The following GRXCR1 variants were observed in gnomAD, a reference collection of about 807,000 sequenced individuals.
GRXCR1 encodes glutaredoxin domain-containing cysteine-rich protein 1.
Under a neutral mutation model 27.3 loss-of-function variants are expected in GRXCR1, and 27 were observed. The ratio of observed to expected loss-of-function variants is 0.99; its 90% CI spans 0.73 to 1.37. The LOEUF (loss-of-function observed/expected upper bound fraction) is 1.37, where lower values mean the gene tolerates loss of function less well. Ranked by LOEUF, GRXCR1 falls within the 40% of genes most tolerant of loss-of-function variation. GRXCR1 has a pLI of 0.00. For missense variants in GRXCR1, 379 were observed against 354.4 expected, an observed-to-expected ratio of 1.07 and a Z score of -0.56; for synonymous variants, 122 against 131.1, an observed-to-expected ratio of 0.93 and a Z score of 0.47.
At chr4:42,915,108 A>G (rs779912470) in intron 1 of GRXCR1, among the ~76,000 whole-genome samples, 1 of 152,178 alleles carries the variant, frequency 6.6e-6, no homozygotes, top group African/African-American at 2.4e-5. Context: ...TGCTACGTTC[A>G]GAGAAACAAA....
intron 2 of GRXCR1, among the ~76,000 whole-genome samples, chr4:42,984,056 G>T (rs561127972): frequency 6.6e-6 from 1 of 151,908 alleles, no homozygotes; most frequent in Non-Finnish European, 1.5e-5. Context: ...GGCTGGTCTC[G>T]AACTCCTGAC....
intron 2 of GRXCR1, among the ~76,000 whole-genome samples, chr4:43,006,248 A>G (rs1278304894): frequency 6.6e-6 from 1 of 152,210 alleles, no homozygotes; most frequent in East Asian, 1.9e-4. Context: ...TGTTTGAGCA[A>G]TATGAAATGT....
At chr4:42,938,868 G>GTT (rs543683761) in intron 1 of GRXCR1, among the ~76,000 whole-genome samples, 99 of 145,348 alleles carry the variant, frequency 6.8e-4, no homozygotes, top group East Asian at 1.2e-3. Flanking sequence ...CTACGTGTCT[G>GTT]TTTTTTTTTT....
At chr4:42,992,761 G>A (rs1560679232) in intron 2 of GRXCR1, among the ~76,000 whole-genome samples, 1 of 152,048 alleles carries the variant, frequency 6.6e-6, no homozygotes, top group Non-Finnish European at 1.5e-5. Flanking sequence ...AGGTGATTGT[G>A]AGTGATGATA....
chr4:43,022,258 G>A (rs1036096500), intron 3 of GRXCR1, among the ~76,000 whole-genome samples: 4 of 152,098 alleles, frequency 2.6e-5, no homozygotes, highest in African/African-American at 4.8e-5. Context: ...TGGTTTAAGA[G>A]CATCTTTTAG....
intron 3 of GRXCR1, among the ~76,000 whole-genome samples, chr4:43,029,278 A>G (rs1031396108): frequency 6.6e-6 from 1 of 152,146 alleles, no homozygotes; most frequent in South Asian, 2.1e-4. Context: ...AAATCTTTGG[A>G]GAAAAGCTAT....
At chr4:42,904,689 T>A (rs1361253866) in intron 1 of GRXCR1, among the ~76,000 whole-genome samples, 2 of 152,212 alleles carry the variant, frequency 1.3e-5, no homozygotes, top group African/African-American at 4.8e-5. Context: ...TTATAAGTAC[T>A]CAATAAATAC....
At chr4:43,004,288 C>G (rs1326953921) in intron 2 of GRXCR1, among the ~76,000 whole-genome samples, 1 of 152,218 alleles carries the variant, frequency 6.6e-6, no homozygotes, top group Non-Finnish European at 1.5e-5. Context: ...AGTATGGAAA[C>G]ACCTGGATGT....
rs116393659 is a variant in GRXCR1, at chr4:42,899,063, C to T, written c.384+5413C>T. 3.9e-3 allele frequency among the ~76,000 whole-genome samples: 595 copies of T among 152,168 alleles called. 4 individuals carry two copies. Among genetic ancestry groups the T allele is most frequent in the Non-Finnish European group, 6.0e-3 (406 of 67,960 alleles). On this transcript the variant is annotated intron_variant, in intron 1 of 3. Transcript: ENST00000399770. The stretch of plus-strand genomic sequence containing the variant: ...CTGTGACCACCTTGCACATACCATC[C>T]TTGGCTCTTGCTTATGGTATTAGCG...
At chr4:43,009,605 T>C (rs1712673512) in intron 2 of GRXCR1, among the ~76,000 whole-genome samples, 1 of 152,134 alleles carries the variant, frequency 6.6e-6, no homozygotes, top group Non-Finnish European at 1.5e-5. Context: ...AGACTTGGTG[T>C]CTAGTGAGAG....
intron 3 of GRXCR1, 35 bp downstream of exon 3, chr4:43,020,454 CA>C: frequency 7.7e-7 from 1 of 1,298,678 alleles, no homozygotes; most frequent in South Asian, 1.2e-5. Context: ...TTTTAGTAAT[CA>C]AAATATTAAA....
At chr4:43,010,969 T>C (rs1009323933) in intron 2 of GRXCR1, among the ~76,000 whole-genome samples, 4 of 152,166 alleles carry the variant, frequency 2.6e-5, no homozygotes, top group African/African-American at 9.7e-5. Context: ...TAAATATCTT[T>C]CACAAGCTCA....
chr4:42,925,389 T>C (rs1169975126), intron 1 of GRXCR1, among the ~76,000 whole-genome samples: 1 of 151,994 alleles, frequency 6.6e-6, no homozygotes, highest in East Asian at 1.9e-4. Flanking sequence ...AATAATTCAA[T>C]TCCACAAGCA....
chr4:42,960,113 T>C (rs374338974), intron 1 of GRXCR1, among the ~76,000 whole-genome samples: 2 of 152,002 alleles, frequency 1.3e-5, no homozygotes, highest in East Asian at 1.9e-4. Context: ...GTTTGTTCTA[T>C]AAGATTCAGA....
At chr4:42,948,131 T>C (rs1015016330) in intron 1 of GRXCR1, among the ~76,000 whole-genome samples, 1 of 152,172 alleles carries the variant, frequency 6.6e-6, no homozygotes, top group Non-Finnish European at 1.5e-5. Flanking sequence ...TCTGGCTTTA[T>C]GCAAAAATTT....
At chr4:42,938,304 G>T (rs1747507257) in intron 1 of GRXCR1, among the ~76,000 whole-genome samples, 1 of 152,058 alleles carries the variant, frequency 6.6e-6, no homozygotes, top group Non-Finnish European at 1.5e-5. Context: ...GTGTGCATGT[G>T]CAACATTTTC....
intron 1 of GRXCR1, among the ~76,000 whole-genome samples, chr4:42,917,161 G>GTATC (rs1746903803): frequency 6.6e-6 from 1 of 152,032 alleles, no homozygotes; most frequent in East Asian, 1.9e-4. Context: ...AATACATTTG[G>GTATC]TATCTATCTA....
In GRXCR1 at chr4:42,907,663, G is replaced by C. The variant is rs190982524; in HGVS notation, c.384+14013G>C. On this transcript the variant is annotated intron_variant, in intron 1 of 3. Coordinates refer to ENST00000399770, the MANE Select transcript of GRXCR1 (RefSeq NM_001080476.3). ...TCCCTGCTCCTTATATGTAGTAGCA[G>C]TTCTACTCCCTCATGACAGTCATGG... Among the ~76,000 whole-genome samples, 29 of 152,274 alleles carry C rather than the reference G, an allele frequency of 1.9e-4. 1 individual carries two copies. In the East Asian group the frequency reaches 5.6e-3, roughly 29 times the overall value.
Position 43,021,550 on chromosome 4 carries a change from A to G in GRXCR1, c.693+1131A>G, listed in dbSNP as rs1203148884. On this transcript the variant is annotated intron_variant, in intron 3 of 3. Transcript: ENST00000399770. ...TTCATTCAACAAACATTTATTAAGTATCTACTGTTTACAGGTACTTTGCTA... is the reference window on the plus strand; with the variant it reads ...TTCATTCAACAAACATTTATTAAGTGTCTACTGTTTACAGGTACTTTGCTA... Among the ~76,000 whole-genome samples, 3 of 152,332 alleles carry G rather than the reference A, an allele frequency of 2.0e-5. No individual in the cohort carries two copies. The East Asian group carries it at 5.8e-4, about 29-fold the overall frequency.
Sources: gnomAD v4.1 joint callset for allele counts (sites outside exome capture counted in the v4.1 genomes callset) on GRCh38, gnomAD v4.1.1 for gene constraint, MANE v1.5 for transcripts, NCBI Gene and HGNC (gene_info 2026-07-23, HGNC 2026-07-21) for gene names.